AMER3: variants seen among roughly 807,000 people sequenced by gnomAD.
AMER3 encodes the protein family with sequence similarity 123C.
For synonymous variants in AMER3, 541 were observed against 485.5 expected (o/e 1.11, Z -1.50); for missense variants, 1,201 against 1,139.4 (o/e 1.05, Z -0.78).
In AMER3 at chr2:130,763,071, G is replaced by A. The variant is rs778457608; in HGVS notation, c.999G>A (p.Gln333=). Residue 333 remains glutamine, a synonymous_variant, in exon 2 of 2, where the codon CAG becomes CAA. Coordinates refer to ENST00000321420, the MANE Select transcript of AMER3 (RefSeq NM_152698.3). ...TAGGCCCGTGGCTTTCAGGCCCCCA[G>A]GGGACAGACAGGGACCAATCCCGGC... The part of the protein sequence containing the change: ...ALLGPWLSGP[Q]GTDRDQSRLD... The A allele has an allele frequency of 4.3e-5, 70 of 1,613,306 alleles. No individual in the cohort carries two copies. In the Admixed American group the frequency reaches 1.1e-3, roughly 25 times the overall value.
chr2:130,763,645 G>C lies in AMER3; in HGVS notation c.1573G>C (p.Gly525Arg). 1 of 1,532,968 alleles carries C rather than the reference G, an allele frequency of 6.5e-7. No individual in the cohort carries two copies. Among genetic ancestry groups the C allele is most frequent in the Non-Finnish European group, 8.8e-7 (1 of 1,140,750 alleles). 95.0% of individuals were successfully genotyped at this position (1,532,968 alleles called of 1,614,324 possible). A position where few individuals can be genotyped will look rare whatever the true frequency, so the allele number is the denominator to read the frequency against. The change falls in exon 2 of 2, where the codon GGG (glycine) becomes CGG (arginine). Residue 525 changes from glycine to arginine, a missense_variant. Gly to Arg is a moderately radical substitution (Grantham distance 125). Transcript: ENST00000321420. ...GPTPRAPPTP[G>R]QPAAPPGSQG... is the part of the protein sequence containing the mutation. ...CACGCCCCGTGCCCCACCCACCCCT[G>C]GGCAGCCTGCAGCTCCACCTGGTTC...
chr2:130,763,203 C>G lies in AMER3; in HGVS notation c.1131C>G (p.Pro377=). 1 of 1,613,796 alleles carries G rather than the reference C, an allele frequency of 6.2e-7. No homozygotes were observed. Among genetic ancestry groups the G allele is most frequent in the South Asian group, 1.1e-5 (1 of 91,084 alleles). ...IDTGTPKSEQ[P]ESVSTSDEGY... ...CAGGCACCCCCAAGAGCGAGCAGCC[C>G]GAATCCGTGTCCACAAGTGACGAGG... Residue 377 remains proline, a synonymous_variant, in exon 2 of 2, where the codon CCC becomes CCG. Transcript: ENST00000321420.
chr2:130,759,503 A>G lies in AMER3; in HGVS notation c.-19-2551A>G, dbSNP rs146284550. Among the ~76,000 whole-genome samples the G allele has an allele frequency of 6.4e-3, 981 of 152,340 alleles. 11 individuals carry two copies. The highest frequency in any genetic ancestry group is 0.022 in the African/African-American group (905 of 41,574). On this transcript the variant is annotated intron_variant, in intron 1 of 1. Coordinates refer to ENST00000321420, the MANE Select transcript of AMER3 (RefSeq NM_152698.3). ...AATGTCAATCAAAAGATTTTTCCAA[A>G]ACATAGAAAAGAATAAGGGAAATAG... is the stretch of plus-strand genomic sequence containing the variant.
At position 130,764,111 on chromosome 2, in the gene AMER3, T is replaced by C. The variant is rs1362546146; in HGVS notation, c.2039T>C (p.Val680Ala). Reference sequence around the variant, plus strand: ...ATGCTGGCAGGCTGTGTGGCCCGTGTGGCAGCCCTGAAGATCAGCTCAAAC... The same window carrying C: ...ATGCTGGCAGGCTGTGTGGCCCGTGCGGCAGCCCTGAAGATCAGCTCAAAC... Reference protein sequence around the residue: ...EPMLAGCVARVAALKISSNEQ... With the variant: ...EPMLAGCVARAAALKISSNEQ... The change falls in exon 2 of 2, where the codon GTG becomes GCG. Residue 680 changes from valine (V) to alanine (A), a missense_variant. Transcript: ENST00000321420. 7 of 1,611,866 alleles carry C rather than the reference T, an allele frequency of 4.3e-6. No individual in the cohort carries two copies. Among genetic ancestry groups the C allele is most frequent in the Non-Finnish European group, 5.9e-6 (7 of 1,179,358 alleles).
intron 1 of AMER3, chr2:130,756,201 C>T (rs1461809722): frequency 1.4e-4 from 20 of 147,870 alleles, no homozygotes; most frequent in Non-Finnish European, 4.5e-5. Context: ...GCTTAACCCT[C>T]GCCTGCCCGA....
chr2:130,764,921 A>G lies in AMER3; in HGVS notation c.*263A>G. ...CATGCAGGGGCTGGAGAGAGGGGCTAGGGCTTGAAACTGAGGGGGAGAAAG... is the reference window on the plus strand; with the variant it reads ...CATGCAGGGGCTGGAGAGAGGGGCTGGGGCTTGAAACTGAGGGGGAGAAAG... On this transcript the variant is annotated 3_prime_UTR_variant, in exon 2 of 2. Coordinates refer to ENST00000321420, the MANE Select transcript of AMER3 (RefSeq NM_152698.3). The G allele has an allele frequency of 2.1e-6, 1 of 478,846 alleles. No individual in the cohort carries two copies. The highest frequency in any genetic ancestry group is 1.9e-5 in the African/African-American group (1 of 52,072). 29.7% of individuals were successfully genotyped at this position (478,846 alleles called of 1,614,324 possible). A position where few individuals can be genotyped will look rare whatever the true frequency, so the allele number is the denominator to read the frequency against.
chr2:130,763,029 G>C lies in AMER3; in HGVS notation c.957G>C (p.Gln319His), dbSNP rs1473111858. ...ACAGTGTGAATCGCTCAGTGCGTCA[G>C]CAGCAGCGTGCCCTCCTAGGCCCGT... ...FWDSVNRSVR[Q>H]QQRALLGPWL... The change falls in exon 2 of 2, where the codon CAG (glutamine) becomes CAC (histidine). Residue 319 changes from glutamine to histidine, a missense_variant. By Grantham distance (24) the Gln-to-His change is conservative (BLOSUM62 0). Transcript: ENST00000321420. The C allele has an allele frequency of 6.2e-7, 1 of 1,613,140 alleles. No homozygotes were observed. The highest frequency in any genetic ancestry group is 1.3e-5 in the African/African-American group (1 of 74,874).
Position 130,762,281 on chromosome 2 carries a change from C to A in AMER3, c.209C>A (p.Ala70Glu), listed in dbSNP as rs200636300. 14 of 1,584,230 alleles carry A rather than the reference C, an allele frequency of 8.8e-6. No individual in the cohort carries two copies. The Admixed American group carries it at 1.9e-4, about 21-fold the overall frequency. ...QEYDRCPNKGAQLDPKGGPAA... is the reference protein window; with the variant it reads ...QEYDRCPNKGEQLDPKGGPAA... The stretch of plus-strand genomic sequence containing the variant: ...TACGACAGATGCCCCAACAAAGGGG[C>A]GCAGCTGGACCCCAAAGGGGGACCC... Residue 70 changes from alanine to glutamate, a missense_variant, in exon 2 of 2, where the codon GCG becomes GAG. Ala to Glu is a moderately radical substitution (Grantham distance 107). Transcript: ENST00000321420.
In AMER3 at chr2:130,763,469, C is replaced by A; in HGVS notation, c.1397C>A (p.Ala466Asp). 1 of 1,612,596 alleles carries A rather than the reference C, an allele frequency of 6.2e-7. No individual in the cohort carries two copies. The highest frequency in any genetic ancestry group is 2.2e-5 in the East Asian group (1 of 44,844). ...TCCATATGCAGCTTCCGAGTGGGGGCCGAGGAGAACTTGGCCCCAGCACCA... is the reference window on the plus strand; with the variant it reads ...TCCATATGCAGCTTCCGAGTGGGGGACGAGGAGAACTTGGCCCCAGCACCA... ...PLSICSFRVG[A>D]EENLAPAPGP... Residue 466 changes from alanine to aspartate, a missense_variant, in exon 2 of 2, where the codon GCC (alanine) becomes GAC (aspartate). Physicochemically the swap from Ala to Asp is moderately radical, Grantham distance 126. Transcript: ENST00000321420.
At position 130,762,640 on chromosome 2, in the gene AMER3, C is replaced by G; in HGVS notation, c.568C>G (p.Pro190Ala). 1 of 1,611,138 alleles carries G rather than the reference C, an allele frequency of 6.2e-7. No homozygotes were observed. The highest frequency in any genetic ancestry group is 8.5e-7 in the Non-Finnish European group (1 of 1,179,656). The stretch of plus-strand genomic sequence containing the variant: ...GAAAAGCCTGCCCTCCCCAGGGGAC[C>G]CGTCAGACCCTGGGGGGCGGCGAAG... ...EGKSLPSPGDPSDPGGRRSKA... is the reference protein window; with the variant it reads ...EGKSLPSPGDASDPGGRRSKA... The change falls in exon 2 of 2, where the codon CCG becomes GCG. Residue 190 changes from proline (P) to alanine (A), a missense_variant. Pro to Ala is a conservative substitution (Grantham distance 27, BLOSUM62 -1). Transcript: ENST00000321420.
chr2:130,758,834 G>A (rs780395284), intron 1 of AMER3, among the ~76,000 whole-genome samples: 8 of 152,228 alleles, frequency 5.3e-5, no homozygotes, highest in Non-Finnish European at 1.2e-4. Context: ...TAGCCACAGG[G>A]TTACAAAACA....
rs1210650601 is a variant in AMER3, at chr2:130,756,664, C to G, written c.-20+990C>G. On this transcript the variant is annotated intron_variant, in intron 1 of 1. Transcript: ENST00000321420. ...CGCTGTGAGGCCCATCTCCTTGCCC[C>G]TGGGCAGGCCAGGACCGCCCAGAGG... Among the ~76,000 whole-genome samples, 5 of 152,298 alleles carry G rather than the reference C, an allele frequency of 3.3e-5. No homozygotes were observed. In the East Asian group the frequency reaches 9.7e-4, roughly 30 times the overall value.
chr2:130,764,763 G>A lies in AMER3; in HGVS notation c.*105G>A. The A allele has an allele frequency of 7.5e-7, 1 of 1,335,178 alleles. No homozygotes were observed. Among genetic ancestry groups the A allele is most frequent in the Non-Finnish European group, 1.0e-6 (1 of 994,310 alleles). The allele number at this position is 1,335,178 out of a possible 1,614,324, so 82.7% of individuals were successfully genotyped here. A position where few individuals can be genotyped will look rare whatever the true frequency, so the allele number is the denominator to read the frequency against. ...TTGTCCCTGATGTGGGGACTGTGTT[G>A]GGGGTGGGGGGTGGCAGGACTCAGG... On this transcript the variant is annotated 3_prime_UTR_variant, in exon 2 of 2. Transcript: ENST00000321420.
chr2:130,758,183 C>T (rs1249317698), intron 1 of AMER3, among the ~76,000 whole-genome samples: 1 of 150,480 alleles, frequency 6.6e-6, no homozygotes, highest in Non-Finnish European at 1.5e-5. Context: ...CATGATGAAA[C>T]CCCATCTCTA....
rs1188884228 is a variant in AMER3 at position 130,764,186 on chromosome 2, T to G, written c.2114T>G (p.Leu705Arg). The G allele has an allele frequency of 6.2e-7, 1 of 1,607,712 alleles. No homozygotes were observed. Among genetic ancestry groups the G allele is most frequent in the Non-Finnish European group, 8.5e-7 (1 of 1,176,656 alleles). ...CCAAGGCAAGACATGGGCAGTGGGCTCTTTGGGCAGCGCTGGGCCAGGGGC... is the reference window on the plus strand; with the variant it reads ...CCAAGGCAAGACATGGGCAGTGGGCGCTTTGGGCAGCGCTGGGCCAGGGGC... ...WPPRQDMGSGLFGQRWARGPD... is the reference protein window; with the variant it reads ...WPPRQDMGSGRFGQRWARGPD... Residue 705 changes from leucine to arginine, a missense_variant, in exon 2 of 2, where the codon CTC becomes CGC. Transcript: ENST00000321420.
chr2:130,764,168 A>G lies in AMER3; in HGVS notation c.2096A>G (p.Gln699Arg), dbSNP rs1342264726. The G allele has an allele frequency of 6.2e-7, 1 of 1,608,972 alleles. No homozygotes were observed. The highest frequency in any genetic ancestry group is 8.5e-7 in the Non-Finnish European group (1 of 1,177,216). Residue 699 changes from glutamine (Q) to arginine (R), a missense_variant, in exon 2 of 2, where the codon CAA becomes CGA. Gln to Arg is a conservative substitution (Grantham distance 43). Coordinates refer to ENST00000321420, the MANE Select transcript of AMER3 (RefSeq NM_152698.3). ...CCCCCGGCCGCATGGCCTCCAAGGC[A>G]AGACATGGGCAGTGGGCTCTTTGGG... ...EQPPAAWPPR[Q>R]DMGSGLFGQR...
chr2:130,765,477 TGCCCAAAGA>T lies in AMER3; in HGVS notation c.*822_*830del, dbSNP rs1311625947. The T allele has an allele frequency of 6.0e-6, 1 of 167,016 alleles. No homozygotes were observed. Among genetic ancestry groups the T allele is most frequent in the Non-Finnish European group, 1.5e-5 (1 of 68,122 alleles). The allele number at this position is 167,016 out of a possible 1,614,324, so 10.3% of individuals were successfully genotyped here. On this transcript the variant is annotated 3_prime_UTR_variant, in exon 2 of 2. Transcript: ENST00000321420. ...GATGCGTCACCACCACACACACAGT[TGCCCAAAGA>T]GCGGAGATGGCAAGAACTTTCATCT...
chr2:130,764,658 G>GGACAGGCT lies in AMER3; in HGVS notation c.*1_*8dup, dbSNP rs1678934229. 1 of 1,598,288 alleles carries GGACAGGCT rather than the reference G, an allele frequency of 6.3e-7. No individual in the cohort carries two copies. Among genetic ancestry groups the GGACAGGCT allele is most frequent in the Admixed American group, 1.7e-5 (1 of 57,278 alleles). On this transcript the variant is annotated 3_prime_UTR_variant, in exon 2 of 2. Coordinates refer to ENST00000321420, the MANE Select transcript of AMER3 (RefSeq NM_152698.3). ...CAGCCATGGCTGAGCCCCATCTGTAGGACAGGCTCACATGCACCAGGAACT... is the reference window on the plus strand; with the variant it reads ...CAGCCATGGCTGAGCCCCATCTGTAGGACAGGCTGACAGGCTCACATGCACCAGGAACT...
rs1678957469 is a variant in AMER3, at chr2:130,765,470, A to G, written c.*812A>G. ...AATCTATGATGCGTCACCACCACAC[A>G]CACAGTTGCCCAAAGAGCGGAGATG... On this transcript the variant is annotated 3_prime_UTR_variant, in exon 2 of 2. Transcript: ENST00000321420. 1.2e-5 allele frequency: 2 copies of G among 167,018 alleles called. No homozygotes were observed. Among genetic ancestry groups the G allele is most frequent in the African/African-American group, 2.4e-5 (1 of 41,470 alleles). The allele number at this position is 167,018 out of a possible 1,614,324, so 10.3% of individuals were successfully genotyped here. A position where few individuals can be genotyped will look rare whatever the true frequency, so the allele number is the denominator to read the frequency against.
Sources: allele counts gnomAD v4.1 joint callset (sites outside exome capture counted in the v4.1 genomes callset), GRCh38; gene constraint gnomAD v4.1.1; transcripts MANE v1.5; gene names NCBI Gene and HGNC (gene_info 2026-07-23, HGNC 2026-07-21).